The following TMEM164 variants were observed in gnomAD, a reference collection of about 807,000 sequenced individuals.
TMEM164 encodes the protein transmembrane protein 164.
TMEM164 carries 4 observed loss-of-function variants against 18.8 expected under a neutral mutation model. The ratio of observed to expected loss-of-function variants is 0.21; its 90% CI spans 0.10 to 0.49. The LOEUF is 0.49. TMEM164 is among the 20% of genes least tolerant of loss of function. The pLI is 0.98. For missense variants in TMEM164, 108 were observed against 239.9 expected (o/e 0.45, Z 3.63); for synonymous variants, 86 against 101.7 (o/e 0.85, Z 0.93).
chrX:110,090,311 A>ATT lies in TMEM164; in HGVS notation c.441-18757_441-18756dup, dbSNP rs397945932. On this transcript the variant is annotated intron_variant, in intron 3 of 6. Transcript: ENST00000372068. ...TGTTTTTTATGTTCTTTTAGTCTGA[A>ATT]TTTTTTTTTTTTTGAGCAGAGTCTT... 2.1e-3 allele frequency among the ~76,000 whole-genome samples: 202 copies of ATT among 97,680 alleles called. 1 individual carries two copies. The highest frequency in any genetic ancestry group is 2.4e-3 in the Non-Finnish European group (115 of 48,082). The allele number at this position is 97,680 out of a possible 115,157, so 84.8% of individuals were successfully genotyped here. A position where few individuals can be genotyped will look rare whatever the true frequency, so the allele number is the denominator to read the frequency against.
chrX:110,154,253 A>G (rs1307421579), intron 5 of TMEM164, among the ~76,000 whole-genome samples: 2 of 111,919 alleles, frequency 1.8e-5, no homozygotes, highest in Non-Finnish European at 3.8e-5. Context: ...GCCTTTTAAA[A>G]GCATTTTGAT....
intron 4 of TMEM164, 99 bp downstream of exon 4, chrX:110,109,245 C>T (rs1035088082): frequency 3.8e-5 from 31 of 814,176 alleles, no homozygotes; most frequent in East Asian, 1.0e-4. Context: ...TGGCCAGGCG[C>T]GGTGGCTCAC....
intron 2 of TMEM164, among the ~76,000 whole-genome samples, chrX:110,060,581 A>C (rs559530540): frequency 8.9e-6 from 1 of 112,255 alleles, no homozygotes; most frequent in South Asian, 3.7e-4. Flanking sequence ...TATACAATGC[A>C]ATATGAACTT....
intron 2 of TMEM164, among the ~76,000 whole-genome samples, chrX:110,025,997 A>G (rs1366980834): frequency 8.9e-6 from 1 of 112,676 alleles, no homozygotes; most frequent in Non-Finnish European, 1.9e-5. Context: ...TAAAAATTCT[A>G]TCTACCTCTT....
At chrX:110,182,838 C>T (rs1258671794), downstream of TMEM164, 1 of 112,069 alleles carries the variant, frequency 8.9e-6, no homozygotes, top group Non-Finnish European at 1.9e-5. Context: ...CTGGCAGTCA[C>T]TCAAATTAAG....
chrX:110,028,284 T>G (rs903719217), intron 2 of TMEM164, among the ~76,000 whole-genome samples: 3 of 112,405 alleles, frequency 2.7e-5, no homozygotes, highest in African/African-American at 9.7e-5. Flanking sequence ...AAGTTTTATT[T>G]ATCTTTTATA....
In TMEM164 at chrX:110,175,180, T is replaced by C. The variant is rs768067249; in HGVS notation, c.*1729T>C. The C allele has an allele frequency of 8.9e-6, 1 of 112,955 alleles. No homozygotes were observed. Among genetic ancestry groups the C allele is most frequent in the South Asian group, 3.6e-4 (1 of 2,764 alleles). 9.3% of individuals were successfully genotyped at this position (112,955 alleles called of 1,213,427 possible). On this transcript the variant is annotated 3_prime_UTR_variant, in exon 7 of 7. Transcript: ENST00000372068. ...AAACTTTTCTTAGTGCCTCTCACCT[T>C]AGGGTGGCCCTCCAGGGAAGGTGCT... is the stretch of plus-strand genomic sequence containing the variant.
intron 4 of TMEM164, among the ~76,000 whole-genome samples, chrX:110,128,622 C>T (rs1346261555): frequency 3.6e-5 from 4 of 111,559 alleles, no homozygotes; most frequent in Non-Finnish European, 5.6e-5. Context: ...CAAACTCTGC[C>T]TCTGTTCCAT....
At chrX:110,030,768 G>A (rs1404905337) in intron 2 of TMEM164, among the ~76,000 whole-genome samples, 4 of 98,654 alleles carry the variant, frequency 4.1e-5, no homozygotes, top group Non-Finnish European at 8.1e-5. Flanking sequence ...CTGAGATCGC[G>A]CCACTGCACT....
chrX:110,067,480 A>T (rs1334136260), intron 3 of TMEM164, 84 bp downstream of exon 3: 1 of 928,314 alleles, frequency 1.1e-6, no homozygotes, highest in Non-Finnish European at 1.6e-6. Context: ...CATTGCTGTG[A>T]ACACCTTGGG....
intron 2 of TMEM164, chrX:110,020,634 A>G: frequency 1.3e-6 from 1 of 754,429 alleles, no homozygotes; most frequent in Non-Finnish European, 1.6e-6. Context: ...TGAAATGTAG[A>G]GGGTGAGGCC....
At chrX:110,072,974 T>A (rs1220750000) in intron 3 of TMEM164, among the ~76,000 whole-genome samples, 2 of 111,193 alleles carry the variant, frequency 1.8e-5, no homozygotes, top group African/African-American at 6.5e-5. Context: ...AGGTAGTTTT[T>A]CAGCCCTTGT....
chrX:110,068,363 A>T (rs777886508), intron 3 of TMEM164, among the ~76,000 whole-genome samples: 1 of 112,532 alleles, frequency 8.9e-6, no homozygotes, highest in South Asian at 3.7e-4. Flanking sequence ...TTACTTGAAC[A>T]GCTCCTAAAG....
chrX:110,051,593 A>G (rs199911155), intron 2 of TMEM164, among the ~76,000 whole-genome samples: 2 of 102,960 alleles, frequency 1.9e-5, no homozygotes, highest in Non-Finnish European at 4.0e-5. Flanking sequence ...CAAAAAAAAA[A>G]AAAGAAAGAA....
chrX:110,118,438 GAC>G (rs1358020091), intron 4 of TMEM164, among the ~76,000 whole-genome samples: 4 of 111,154 alleles, frequency 3.6e-5, no homozygotes, highest in African/African-American at 1.3e-4. Flanking sequence ...ACAAAAAATA[GAC>G]ACAGAGAGAT....
At chrX:110,161,872 A>G (rs1326955538) in intron 5 of TMEM164, among the ~76,000 whole-genome samples, 1 of 112,510 alleles carries the variant, frequency 8.9e-6, no homozygotes, top group East Asian at 2.8e-4. Context: ...TGCATTTTCC[A>G]CAACTTCCCT....
At chrX:110,126,030 C>T (rs1024904510) in intron 4 of TMEM164, among the ~76,000 whole-genome samples, 12 of 112,356 alleles carry the variant, frequency 1.1e-4, no homozygotes, top group African/African-American at 2.9e-4. Flanking sequence ...AATGGCAGGG[C>T]GGGGGGCTTC....
chrX:110,091,413 G>A lies in TMEM164; in HGVS notation c.441-17667G>A, dbSNP rs775856850. On this transcript the variant is annotated intron_variant, in intron 3 of 6. Transcript: ENST00000372068. ...ATGATCGCCATTCTAACTGGTGTGA[G>A]ATGGTATCTCACTGTGGTTTTGATT... Among the ~76,000 whole-genome samples, 3 of 112,155 alleles carry A rather than the reference G, an allele frequency of 2.7e-5. No individual in the cohort carries two copies. In the South Asian group the frequency reaches 1.1e-3, roughly 41 times the overall value.
At position 110,174,370 on chromosome X, in the gene TMEM164, TC is replaced by T. The variant is rs2148142131; in HGVS notation, c.*924del. ...CTCCCTTTCCCTCTCCCCCCACCCCTCCCCCTCCCCCCTCCCTCCCTCTTTC... is the reference window on the plus strand; with the variant it reads ...CTCCCTTTCCCTCTCCCCCCACCCCTCCCCTCCCCCCTCCCTCCCTCTTTC... On this transcript the variant is annotated 3_prime_UTR_variant, in exon 7 of 7. Coordinates refer to ENST00000372068, the MANE Select transcript of TMEM164 (RefSeq NM_032227.4). 1 of 13,594 alleles carries T rather than the reference TC, an allele frequency of 7.4e-5. No individual in the cohort carries two copies. The highest frequency in any genetic ancestry group is 7.0e-3 in the South Asian group (1 of 142). 1.1% of individuals were successfully genotyped at this position (13,594 alleles called of 1,213,427 possible).
Sources: allele counts gnomAD v4.1 joint callset (sites outside exome capture counted in the v4.1 genomes callset), GRCh38; gene constraint gnomAD v4.1.1; transcripts MANE v1.5; gene names NCBI Gene and HGNC (gene_info 2026-07-23, HGNC 2026-07-21).